The following TEP1 variants were observed in gnomAD, a reference collection of about 807,000 sequenced individuals.
TEP1 encodes telomerase protein component 1.
A neutral mutation model predicts 306.3 loss-of-function variants in TEP1; 241 were observed. The observed-to-expected ratio is 0.79, with a 90% CI of 0.71 to 0.88. The LOEUF (loss-of-function observed/expected upper bound fraction) is 0.88, where lower values mean the gene tolerates loss of function less well. TEP1 is among the 40% of genes least tolerant of loss of function. The pLI is 0.00. For synonymous variants in TEP1, 1,289 were observed against 1,305.5 expected (o/e 0.99, Z 0.27); for missense variants, 3,051 against 3,276.1 (o/e 0.93, Z 1.68).
Position 20,382,578 on chromosome 14 carries a change from G to GAA in TEP1, c.4140+43_4140+44dup, listed in dbSNP as rs552064892. On this transcript the variant is annotated intron_variant, in intron 28 of 54. Transcript: ENST00000262715. ...GGATGAGACAAAGCAGCTGAAGAGA[G>GAA]AATGGGAAGTAGTGATTAGGACTTG... 7.5e-6 allele frequency: 12 copies of GAA among 1,605,020 alleles called. No homozygotes were observed. The South Asian group carries it at 1.1e-4, about 15-fold the overall frequency.
Position 20,385,065 on chromosome 14 carries a change from C to T in TEP1, c.3027G>A (p.Val1009=), listed in dbSNP as rs1303195360. ...GTTGGTTCCGGTTCAGGAACTGCAT[C>T]ACCTCCATCTCTGTCACAGAGCGCC... ...PSGRSVTEME[V]MQFLNRNQRL... is the part of the protein sequence containing the mutation. Residue 1009 remains valine (V), a synonymous_variant, in exon 21 of 55, where the codon GTG becomes GTA. Coordinates refer to ENST00000262715, the MANE Select transcript of TEP1 (RefSeq NM_007110.5). 6.2e-7 allele frequency: 1 copy of T among 1,614,136 alleles called. No individual in the cohort carries two copies. Among genetic ancestry groups the T allele is most frequent in the Non-Finnish European group, 8.5e-7 (1 of 1,180,014 alleles).
chr14:20,379,453 A>G (rs1451671631), intron 35 of TEP1, among the ~76,000 whole-genome samples: 1 of 152,224 alleles, frequency 6.6e-6, no homozygotes, highest in Non-Finnish European at 1.5e-5. Context: ...TTAGCCTCCC[A>G]TAAGCACGCT....
intron 7 of TEP1, among the ~76,000 whole-genome samples, chr14:20,402,268 A>G (rs939897766): frequency 6.6e-6 from 1 of 152,194 alleles, no homozygotes; most frequent in Non-Finnish European, 1.5e-5. Context: ...AGACAGCACC[A>G]CTGCACTCCA....
intron 20 of TEP1, 101 bp from the exon 21 acceptor site, chr14:20,385,210 TC>T: frequency 6.9e-7 from 1 of 1,440,672 alleles, no homozygotes; most frequent in Non-Finnish European, 9.5e-7. Flanking sequence ...GATGTTCCTC[TC>T]TCCTTCCCTC....
At chr14:20,377,842 C>T in intron 39 of TEP1, 89 bp from the exon 40 acceptor site, 2 of 1,546,320 alleles carry the variant, frequency 1.3e-6, no homozygotes, top group East Asian at 2.3e-5. Flanking sequence ...CATTAAAGTC[C>T]TCCTTCCAGA....
intron 13 of TEP1, 140 bp downstream of exon 13, chr14:20,391,459 G>A: frequency 2.9e-6 from 3 of 1,025,698 alleles, no homozygotes; most frequent in South Asian, 3.1e-5. Flanking sequence ...ACCAAGGACT[G>A]ATACTTGGAA....
chr14:20,386,419 C>A, intron 19 of TEP1, 28 bp downstream of exon 19: 1 of 1,584,198 alleles, frequency 6.3e-7, no homozygotes, highest in Non-Finnish European at 8.6e-7. Flanking sequence ...ATCCCCGACC[C>A]AGCCCCTCTT....
rs1877625674 is a variant in TEP1 at position 20,390,663 on chromosome 14, T to G, written c.2334+18A>C. Reference sequence around the variant, plus strand: ...AAATGTGGGGGAGGGAGAGGGTTTCTCAGGGATTAATACTCACAGGAACCC... The same window carrying G: ...AAATGTGGGGGAGGGAGAGGGTTTCGCAGGGATTAATACTCACAGGAACCC... On this transcript the variant is annotated intron_variant, in intron 15 of 54. Transcript: ENST00000262715. The G allele has an allele frequency of 2.5e-6, 4 of 1,613,016 alleles. No individual in the cohort carries two copies. Among genetic ancestry groups the G allele is most frequent in the Non-Finnish European group, 3.4e-6 (4 of 1,179,050 alleles).
intron 12 of TEP1, among the ~76,000 whole-genome samples, chr14:20,392,369 A>T (rs1877801722): frequency 6.6e-6 from 1 of 152,186 alleles, no homozygotes; most frequent in African/African-American, 2.4e-5. Flanking sequence ...AGAAGTGCTG[A>T]TCAACATTAG....
Position 20,382,366 on chromosome 14 carries a change from C to T in TEP1, c.4141-10G>A, listed in dbSNP as rs200120038. The T allele has an allele frequency of 1.6e-4, 253 of 1,600,138 alleles. No individual in the cohort carries two copies. Among genetic ancestry groups the T allele is most frequent in the Non-Finnish European group, 1.9e-4 (221 of 1,173,198 alleles). ...GGAGTCTCTCAGACACCTAGGATGG[C>T]GGGAGGACAGCCTTGTTCAGTGCAG... On this transcript the variant is annotated splice_polypyrimidine_tract_variant and intron_variant, in intron 28 of 54. Transcript: ENST00000262715.
intron 42 of TEP1, 29 bp downstream of exon 42, chr14:20,376,075 C>T (rs1429781918): frequency 6.2e-7 from 1 of 1,609,006 alleles, no homozygotes. Context: ...GGCTATGGGA[C>T]CCCAGGGTTG....
At chr14:20,395,992 G>T in intron 10 of TEP1, 43 bp from the exon 11 acceptor site, 1 of 1,514,644 alleles carries the variant, frequency 6.6e-7, no homozygotes, top group South Asian at 1.1e-5. Context: ...CAGGAGCCGG[G>T]AGTATGGGGG....
chr14:20,368,138 A>G lies in TEP1; in HGVS notation c.*299T>C, dbSNP rs1361122740. On this transcript the variant is annotated 3_prime_UTR_variant, in exon 55 of 55. Coordinates refer to ENST00000262715, the MANE Select transcript of TEP1 (RefSeq NM_007110.5). The stretch of plus-strand genomic sequence containing the variant: ...GGCCCGCGAGTGATGCAAGAATTCT[A>G]AAACCTAGTTTCAAAAGAGTACCTA... 4.5e-6 allele frequency: 1 copy of G among 224,578 alleles called. No homozygotes were observed. Among genetic ancestry groups the G allele is most frequent in the Non-Finnish European group, 8.8e-6 (1 of 113,408 alleles). The allele number at this position is 224,578 out of a possible 1,614,324, so 13.9% of individuals were successfully genotyped here. A position where few individuals can be genotyped will look rare whatever the true frequency, so the allele number is the denominator to read the frequency against.
chr14:20,385,245 C>A, intron 20 of TEP1, 136 bp from the exon 21 acceptor site: 1 of 1,034,624 alleles, frequency 9.7e-7, no homozygotes, highest in Non-Finnish European at 1.4e-6. Context: ...TAAAATATAG[C>A]TAATAGCTAA....
chr14:20,384,406 C>A lies in TEP1; in HGVS notation c.3324G>T (p.Gln1108His). The change falls in exon 23 of 55, where the codon CAG (glutamine) becomes CAT (histidine). Residue 1108 changes from glutamine (Q) to histidine (H), a missense_variant. Physicochemically the swap from Gln to His is conservative, Grantham distance 24. Transcript: ENST00000262715. ...LVLQDVWNMI[Q>H]KLYLQPGALL... ...TTCTGCTGACCTGCAGGTAGAGCTT[C>A]TGGATCATATTCCATACATCCTGCA... The A allele has an allele frequency of 6.2e-7, 1 of 1,614,218 alleles. No homozygotes were observed. The highest frequency in any genetic ancestry group is 8.5e-7 in the Non-Finnish European group (1 of 1,180,030).
chr14:20,388,662 A>G (rs1208913609), intron 17 of TEP1, among the ~76,000 whole-genome samples: 2 of 152,150 alleles, frequency 1.3e-5, no homozygotes, highest in Non-Finnish European at 2.9e-5. Context: ...CTTCTTTCCT[A>G]CTGGATATAA....
At chr14:20,396,853 G>A in intron 9 of TEP1, 123 bp from the exon 10 acceptor site, 1 of 557,836 alleles carries the variant, frequency 1.8e-6, no homozygotes, top group Non-Finnish European at 3.0e-6. Context: ...CAGAACCCAG[G>A]AATTAGAGTC....
intron 9 of TEP1, among the ~76,000 whole-genome samples, chr14:20,399,200 A>C (rs1324856213): frequency 6.6e-6 from 1 of 152,196 alleles, no homozygotes; most frequent in Non-Finnish European, 1.5e-5. Flanking sequence ...GCCTCCAGTC[A>C]TAATTCTGAT....
In TEP1 at chr14:20,373,351, C is replaced by T; in HGVS notation, c.6733G>A (p.Ala2245Thr). Residue 2245 changes from alanine to threonine, a missense_variant, in exon 47 of 55, where the codon GCT (alanine) becomes ACT (threonine). This residue lies in a region of TEP1 where 1,540 missense variants were observed against 1,705.9 expected (regional missense o/e 0.90). Transcript: ENST00000262715. Reference protein sequence around the residue: ...LGHSGPVRAAAVSETSGLMLT... With the variant: ...LGHSGPVRAATVSETSGLMLT... ...ATGAGGCCTGAGGTTTCTGAAACAG[C>T]AGCAGCACGGACTGGGCCGCTGTGT... is the stretch of plus-strand genomic sequence containing the variant. 1 of 1,614,190 alleles carries T rather than the reference C, an allele frequency of 6.2e-7. No individual in the cohort carries two copies.
Sources: gnomAD v4.1 joint callset for allele counts (sites outside exome capture counted in the v4.1 genomes callset) on GRCh38, gnomAD v4.1.1 for gene constraint, gnomAD v4.1.1 regional missense constraint, MANE v1.5 for transcripts, NCBI Gene and HGNC (gene_info 2026-07-23, HGNC 2026-07-21) for gene names.